Variants in DYM observed in about 807,000 individuals in gnomAD.
DYM encodes the protein dyggve-Melchior-Clausen syndrome protein.
In DYM, 78 loss-of-function variants were observed where a neutral mutation model predicts 93.1. The ratio of observed to expected loss-of-function variants is 0.84; its 90% CI spans 0.70 to 1.01. The LOEUF is 1.01. Ranked by LOEUF, DYM falls within the 50% of genes least tolerant of loss-of-function variation. The pLI is 0.00. For missense variants in DYM, 789 were observed against 845.0 expected (o/e 0.93, Z 0.82); for synonymous variants, 321 against 319.7 (o/e 1.00, Z -0.04).
chr18:49,274,323 T>C (rs2094793822), intron 10 of DYM, among the ~76,000 whole-genome samples: 1 of 152,282 alleles, frequency 6.6e-6, no homozygotes, highest in East Asian at 1.9e-4. Flanking sequence ...TGTATCAGGA[T>C]CTCATTCCTT....
chr18:49,451,631 G>A (rs1471825536), intron 1 of DYM, among the ~76,000 whole-genome samples: 2 of 152,174 alleles, frequency 1.3e-5, no homozygotes, highest in Admixed American at 6.6e-5. Context: ...GAGTTCCATC[G>A]AAGCCAATCC....
intron 9 of DYM, 107 bp from the exon 10 acceptor site, chr18:49,282,282 A>G: frequency 9.0e-7 from 1 of 1,116,966 alleles, no homozygotes; most frequent in Non-Finnish European, 1.3e-6. Flanking sequence ...TTTTATGGAA[A>G]GTCACTACAT....
chr18:49,295,028 T>C (rs2060433879), intron 8 of DYM, among the ~76,000 whole-genome samples: 3 of 152,038 alleles, frequency 2.0e-5, no homozygotes, highest in South Asian at 4.2e-4. Flanking sequence ...GGTCCCATGC[T>C]AGGAACCAAA....
chr18:49,196,948 T>G (rs957347365), intron 14 of DYM, among the ~76,000 whole-genome samples: 2 of 152,052 alleles, frequency 1.3e-5, no homozygotes, highest in African/African-American at 4.8e-5. Flanking sequence ...AGTAGAGATT[T>G]GATTTATATT....
intron 8 of DYM, among the ~76,000 whole-genome samples, chr18:49,313,515 C>T (rs1381865458): frequency 3.4e-5 from 4 of 119,232 alleles, no homozygotes; most frequent in African/African-American, 1.2e-4. Context: ...AGTAAAAAAC[C>T]TGGCCAAAAC....
chr18:49,105,860 G>T (rs1490839808), intron 16 of DYM, among the ~76,000 whole-genome samples: 1 of 152,212 alleles, frequency 6.6e-6, no homozygotes, highest in African/African-American at 2.4e-5. Flanking sequence ...AGTGTGGTGT[G>T]GTGCTGAGAA....
chr18:49,417,105 A>C (rs1264727765), intron 2 of DYM, among the ~76,000 whole-genome samples: 2 of 152,124 alleles, frequency 1.3e-5, no homozygotes, highest in Admixed American at 1.3e-4. Context: ...TTATAGTACA[A>C]GAAGTCACTT....
chr18:49,139,949 A>T (rs1169809900), intron 15 of DYM, among the ~76,000 whole-genome samples: 1 of 152,124 alleles, frequency 6.6e-6, no homozygotes, highest in South Asian at 2.1e-4. Flanking sequence ...CACAGCGGTA[A>T]TCCTGCTGGC....
At chr18:49,384,495 G>A (rs973427032) in intron 3 of DYM, among the ~76,000 whole-genome samples, 1 of 151,468 alleles carries the variant, frequency 6.6e-6, no homozygotes. Flanking sequence ...GCATGGTGGC[G>A]CATGCTTGTA....
At chr18:49,201,854 TTAAC>T (rs1418696791) in intron 14 of DYM, among the ~76,000 whole-genome samples, 2 of 152,226 alleles carry the variant, frequency 1.3e-5, no homozygotes, top group Non-Finnish European at 2.9e-5. Context: ...AATTTTATAT[TTAAC>T]TAACAGTACA....
chr18:49,283,969 CT>C (rs926715913), intron 9 of DYM, among the ~76,000 whole-genome samples: 7 of 151,864 alleles, frequency 4.6e-5, no homozygotes, highest in African/African-American at 1.4e-4. Flanking sequence ...AAAATAATTC[CT>C]TTTTTTTGTG....
chr18:49,457,402 A>G (rs1002465425), intron 1 of DYM, among the ~76,000 whole-genome samples: 6 of 152,234 alleles, frequency 3.9e-5, no homozygotes, highest in South Asian at 2.1e-4. Flanking sequence ...CGAAATATAG[A>G]AAAACTTTAC....
intron 17 of DYM, among the ~76,000 whole-genome samples, chr18:49,061,421 A>C (rs1488754328): frequency 6.6e-6 from 1 of 152,204 alleles, no homozygotes; most frequent in Non-Finnish European, 1.5e-5. Context: ...TTTGAGAATA[A>C]GAGGGGGAAT....
chr18:49,318,606 G>A (rs1383464797), intron 8 of DYM, among the ~76,000 whole-genome samples: 1 of 149,312 alleles, frequency 6.7e-6, no homozygotes, highest in African/African-American at 2.5e-5. Flanking sequence ...TGGTGACACA[G>A]CAAGACTCTG....
intron 13 of DYM, among the ~76,000 whole-genome samples, chr18:49,231,709 G>A (rs924934026): frequency 9.2e-5 from 14 of 152,190 alleles, no homozygotes; most frequent in African/African-American, 3.4e-4. Flanking sequence ...TGGTTCCTCT[G>A]AGGTAGTGGC....
chr18:49,340,936 T>C (rs2064067278), intron 6 of DYM, among the ~76,000 whole-genome samples: 1 of 152,230 alleles, frequency 6.6e-6, no homozygotes, highest in Non-Finnish European at 1.5e-5. Flanking sequence ...GTGATGCCAT[T>C]AACTAAATCA....
At chr18:49,102,553 C>T (rs910855889) in intron 16 of DYM, among the ~76,000 whole-genome samples, 2 of 152,264 alleles carry the variant, frequency 1.3e-5, no homozygotes, top group East Asian at 1.9e-4. Flanking sequence ...TCTCCAAATG[C>T]TATCCGTCCC....
At chr18:49,180,323 T>C (rs1413267974) in intron 14 of DYM, among the ~76,000 whole-genome samples, 2 of 152,154 alleles carry the variant, frequency 1.3e-5, no homozygotes. Context: ...TCAGTGCCCA[T>C]CCTCGTTCTC....
chr18:49,379,084 C>T (rs996842380), intron 4 of DYM, among the ~76,000 whole-genome samples: 3 of 152,046 alleles, frequency 2.0e-5, no homozygotes, highest in South Asian at 2.1e-4. Context: ...AAATTTTCGA[C>T]GAGGCATTGC....
Sources: allele counts gnomAD v4.1 joint callset (sites outside exome capture counted in the v4.1 genomes callset), GRCh38; gene constraint gnomAD v4.1.1; transcripts MANE v1.5; gene names NCBI Gene and HGNC (gene_info 2026-07-23, HGNC 2026-07-21).